DAP3: variants seen among roughly 807,000 people sequenced by gnomAD.
DAP3 encodes the protein small ribosomal subunit protein mS29.
In DAP3, 28 loss-of-function variants were observed where a neutral mutation model predicts 51.9. The observed-to-expected ratio is 0.54, with a 90% CI of 0.40 to 0.74. The LOEUF is 0.74. DAP3 is among the 30% of genes least tolerant of loss of function. DAP3 has a pLI of 0.00. For synonymous variants in DAP3, 170 were observed against 170.3 expected (o/e 1.00, Z 0.01); for missense variants, 458 against 483.5 (o/e 0.95, Z 0.49).
At chr1:155,712,612 C>CA (rs61338392) in intron 2 of DAP3, among the ~76,000 whole-genome samples, 26,310 of 54,740 alleles carry the variant, frequency 0.48, 5,977 homozygotes, top group African/African-American at 0.62. Flanking sequence ...AACTCCGTCT[C>CA]AAAAAAAAAA....
Position 155,731,401 on chromosome 1 carries a change from A to G in DAP3, c.889A>G (p.Met297Val), listed in dbSNP as rs1571562723. 6.2e-7 allele frequency: 1 copy of G among 1,614,146 alleles called. No individual in the cohort carries two copies. The highest frequency in any genetic ancestry group is 8.5e-7 in the Non-Finnish European group (1 of 1,179,980). The stretch of plus-strand genomic sequence containing the variant: ...ACTTGTTCACAACTTGAGGAAAATG[A>G]TGAAAAATGATTGGGTAAGTGCATA... ...LALVHNLRKMMKNDWHGGAIV... is the reference protein window; with the variant it reads ...LALVHNLRKMVKNDWHGGAIV... The change falls in exon 10 of 13, where the codon ATG becomes GTG. Residue 297 changes from methionine (M) to valine (V), a missense_variant. Coordinates refer to ENST00000368336, the MANE Select transcript of DAP3 (RefSeq NM_004632.4).
Position 155,725,996 on chromosome 1 carries a change from G to A in DAP3, c.449G>A (p.Trp150Ter). The A allele has an allele frequency of 6.2e-7, 1 of 1,614,038 alleles. No individual in the cohort carries two copies. Among genetic ancestry groups the A allele is most frequent in the Non-Finnish European group, 8.5e-7 (1 of 1,179,980 alleles). ...ATTCATTTCTGTGCAAAACAGGACTGGCTGATACTACATATTCCAGATGGT... is the reference window on the plus strand; with the variant it reads ...ATTCATTTCTGTGCAAAACAGGACTAGCTGATACTACATATTCCAGATGGT... The part of the protein sequence containing the change: ...HVIHFCAKQD[W>*]LILHIPDAHL... The change falls in exon 6 of 13, where the codon TGG (tryptophan) becomes TAG (stop). Residue 150 changes from tryptophan (W) to a stop codon, truncating the protein, a stop_gained. Coordinates refer to ENST00000368336, the MANE Select transcript of DAP3 (RefSeq NM_004632.4). LOFTEE classifies it high-confidence loss of function.
chr1:155,698,963 T>C (rs1478603418), intron 1 of DAP3, among the ~76,000 whole-genome samples: 1 of 152,114 alleles, frequency 6.6e-6, no homozygotes, highest in Non-Finnish European at 1.5e-5. Context: ...TCGGGCCTCA[T>C]GTTGGGCACC....
intron 11 of DAP3, among the ~76,000 whole-genome samples, chr1:155,734,083 G>C (rs1659514156): frequency 6.6e-6 from 1 of 152,134 alleles, no homozygotes; most frequent in South Asian, 2.1e-4. Context: ...CTTGAGCCCG[G>C]GAGGTCAAGG....
chr1:155,718,710 AGAT>A (rs1657629686), intron 3 of DAP3, among the ~76,000 whole-genome samples: 13 of 80,436 alleles, frequency 1.6e-4, no homozygotes, highest in African/African-American at 3.5e-4. Flanking sequence ...AAAGAAAGAT[AGAT>A]AGATAGATAG....
chr1:155,688,780 T>C (rs1166158514), upstream of DAP3: 4 of 1,504,692 alleles, frequency 2.7e-6, no homozygotes, highest in African/African-American at 4.2e-5. Context: ...CCTACACTCC[T>C]CGCGCGTGCG....
rs759554299 is a variant in DAP3, at chr1:155,731,376, A to C, written c.864A>C (p.Ala288=). 2 of 1,614,070 alleles carry C rather than the reference A, an allele frequency of 1.2e-6. No individual in the cohort carries two copies. Among genetic ancestry groups the C allele is most frequent in the Non-Finnish European group, 1.7e-6 (2 of 1,179,998 alleles). ...DKSPIAPEEL[A]LVHNLRKMMK... The stretch of plus-strand genomic sequence containing the variant: ...TGCAGATTGCCCCCGAGGAATTAGC[A>C]CTTGTTCACAACTTGAGGAAAATGA... Residue 288 remains alanine (A), a synonymous_variant, in exon 10 of 13, where the codon GCA becomes GCC. Transcript: ENST00000368336.
chr1:155,731,920 T>G, intron 10 of DAP3, 24 bp from the exon 11 acceptor site: 1 of 1,581,856 alleles, frequency 6.3e-7, no homozygotes, highest in East Asian at 2.2e-5. Flanking sequence ...TTTTTCCAGT[T>G]CAGCCTTTTC....
chr1:155,709,815 G>C lies in DAP3; in HGVS notation c.36G>C (p.Arg12Ser). Residue 12 changes from arginine to serine, a missense_variant, in exon 2 of 13, where the codon AGG (arginine) becomes AGC (serine). Physicochemically the swap from Arg to Ser is moderately radical, Grantham distance 110. Transcript: ENST00000368336. ...MLKGITRLIS[R>S]IHKLDPGRFL... Reference sequence around the variant, plus strand: ...AAGGAATAACAAGGCTTATCTCTAGGATCCATAAGGTGAGTCCTGACTGAC... The same window carrying C: ...AAGGAATAACAAGGCTTATCTCTAGCATCCATAAGGTGAGTCCTGACTGAC... 1 of 1,613,290 alleles carries C rather than the reference G, an allele frequency of 6.2e-7. No homozygotes were observed. The highest frequency in any genetic ancestry group is 1.1e-5 in the South Asian group (1 of 91,022).
chr1:155,693,535 C>T (rs12744132), intron 1 of DAP3, among the ~76,000 whole-genome samples: 39,413 of 141,280 alleles, frequency 0.28, 7,983 homozygotes, highest in East Asian at 0.69. Flanking sequence ...ATCTCTTTGA[C>T]AGTATAGTTC....
chr1:155,733,045 T>C (rs1416249519), intron 11 of DAP3, among the ~76,000 whole-genome samples: 1 of 152,202 alleles, frequency 6.6e-6, no homozygotes, highest in African/African-American at 2.4e-5. Flanking sequence ...AAAGTTGTCA[T>C]GTCTCTTTGG....
At chr1:155,688,684 C>T (rs1225415577), upstream of DAP3, 1 of 1,529,606 alleles carries the variant, frequency 6.5e-7, no homozygotes, top group South Asian at 1.2e-5. Flanking sequence ...CCCAAGCCTT[C>T]TCCACCTCCT....
chr1:155,737,151 A>G, intron 12 of DAP3, 88 bp downstream of exon 12: 5 of 909,056 alleles, frequency 5.5e-6, no homozygotes, highest in Non-Finnish European at 8.8e-6. Flanking sequence ...TTCCCTTAAC[A>G]ACAGCCTCTA....
intron 9 of DAP3, 109 bp downstream of exon 9, chr1:155,729,475 A>G (rs920979123): frequency 7.1e-7 from 1 of 1,398,662 alleles, no homozygotes; most frequent in Non-Finnish European, 9.7e-7. Context: ...TGCCCTAGGA[A>G]TATTTGAAGA....
intron 9 of DAP3, 63 bp downstream of exon 9, chr1:155,729,429 G>A (rs1658966617): frequency 2.5e-6 from 4 of 1,582,086 alleles, no homozygotes; most frequent in Non-Finnish European, 3.4e-6. Context: ...TATGGAGGCT[G>A]GGTCTTAGCC....
At chr1:155,688,800 G>T, upstream of DAP3, 1 of 1,549,832 alleles carries the variant, frequency 6.5e-7, no homozygotes, top group African/African-American at 1.4e-5. Flanking sequence ...GCCTCCCACA[G>T]TCCCCACCGC....
chr1:155,695,992 C>G (rs1056745047), intron 1 of DAP3, among the ~76,000 whole-genome samples: 8 of 152,120 alleles, frequency 5.3e-5, no homozygotes, highest in African/African-American at 1.9e-4. Flanking sequence ...AATTAACTTG[C>G]CATGTAACTG....
chr1:155,703,401 C>T (rs1013851152), intron 1 of DAP3, among the ~76,000 whole-genome samples: 1 of 152,164 alleles, frequency 6.6e-6, no homozygotes, highest in Non-Finnish European at 1.5e-5. Context: ...GATGTATTCA[C>T]TGTCACATGA....
intron 9 of DAP3, among the ~76,000 whole-genome samples, chr1:155,730,597 C>A (rs1659139777): frequency 6.6e-6 from 1 of 151,292 alleles, no homozygotes; most frequent in African/African-American, 2.4e-5. Flanking sequence ...GGCTGGGCAA[C>A]AGAATGAGAC....
Sources: allele counts gnomAD v4.1 joint callset (sites outside exome capture counted in the v4.1 genomes callset), GRCh38; gene constraint gnomAD v4.1.1; transcripts MANE v1.5; gene names NCBI Gene and HGNC (gene_info 2026-07-23, HGNC 2026-07-21).